Variants in TEAD4 observed in about 807,000 individuals in gnomAD.
TEAD4 encodes transcriptional enhancer factor TEF-3.
A neutral mutation model predicts 52.4 loss-of-function variants in TEAD4; 36 were observed. That is an observed-to-expected ratio of 0.69 (90% CI 0.53 to 0.91). The LOEUF (loss-of-function observed/expected upper bound fraction) is 0.91. TEAD4 is among the 40% of genes least tolerant of loss of function. TEAD4 has a pLI of 0.00. For synonymous variants in TEAD4, 220 were observed against 231.0 expected, an observed-to-expected ratio of 0.95 and a Z score of 0.43; for missense variants, 508 against 583.9, an observed-to-expected ratio of 0.87 and a Z score of 1.34.
chr12:2,968,382 G>T (rs1458694884), intron 2 of TEAD4, among the ~76,000 whole-genome samples: 4 of 120,736 alleles, frequency 3.3e-5, no homozygotes, highest in Non-Finnish European at 4.8e-5. Context: ...CACCGCGCCC[G>T]GCCTTTTTTT....
In TEAD4 at chr12:3,020,770, C is replaced by A. The variant is rs2098268139; in HGVS notation, c.720C>A (p.Asp240Glu). ...TCCTGGAGCAGCAGCAGGACCCGGA[C>A]ACGGTAGGTCCTGGCCTCTGCCTGT... The change falls in exon 9 of 13, where the codon GAC becomes GAA. Residue 240 changes from aspartate (D) to glutamate (E), a missense_variant. Transcript: ENST00000359864. The A allele has an allele frequency of 1.9e-6, 3 of 1,603,580 alleles. No homozygotes were observed. Among genetic ancestry groups the A allele is most frequent in the Non-Finnish European group, 1.7e-6 (2 of 1,174,862 alleles).
chr12:3,040,216 A>C lies in TEAD4; in HGVS notation c.1148A>C (p.Lys383Thr), dbSNP rs1486462821. 6.2e-7 allele frequency: 1 copy of C among 1,614,226 alleles called. No individual in the cohort carries two copies. Among genetic ancestry groups the C allele is most frequent in the Admixed American group, 1.7e-5 (1 of 60,034 alleles). Residue 383 changes from lysine to threonine, a missense_variant, in exon 12 of 13, where the codon AAG becomes ACG. By Grantham distance (78) the Lys-to-Thr change is moderately conservative. Transcript: ENST00000359864. The stretch of plus-strand genomic sequence containing the variant: ...CACAAGCTCAAGCACCTCCCTGAGA[A>C]GTACATGATGAACAGCGTGCTGGAG...
At chr12:2,985,790 A>G (rs2098237909) in intron 2 of TEAD4, among the ~76,000 whole-genome samples, 1 of 152,094 alleles carries the variant, frequency 6.6e-6, no homozygotes, top group African/African-American at 2.4e-5. Flanking sequence ...TGTCGTTAAA[A>G]ACAGAGACAT....
At chr12:2,968,598 A>G (rs2098222514) in intron 2 of TEAD4, among the ~76,000 whole-genome samples, 1 of 149,480 alleles carries the variant, frequency 6.7e-6, no homozygotes, top group African/African-American at 2.5e-5. Context: ...TTTAATTTTT[A>G]TTTTTCATAG....
intron 10 of TEAD4, among the ~76,000 whole-genome samples, chr12:3,033,598 AC>A (rs1330340583): frequency 4.6e-5 from 7 of 152,090 alleles, no homozygotes; most frequent in African/African-American, 1.7e-4. Flanking sequence ...CCAGGCACAT[AC>A]CAGCACATGA....
chr12:3,005,935 G>T (rs914686568), intron 3 of TEAD4, among the ~76,000 whole-genome samples: 6 of 152,210 alleles, frequency 3.9e-5, no homozygotes, highest in Non-Finnish European at 8.8e-5. Flanking sequence ...ATGACGCCCA[G>T]TCAAGGAGGA....
chr12:3,016,766 G>A (rs1326686030), intron 5 of TEAD4, among the ~76,000 whole-genome samples: 1 of 152,182 alleles, frequency 6.6e-6, no homozygotes, highest in African/African-American at 2.4e-5. Context: ...TGTTACCCGT[G>A]CCATCCAAGT....
At chr12:2,982,665 T>C (rs1007341516) in intron 2 of TEAD4, among the ~76,000 whole-genome samples, 3 of 152,226 alleles carry the variant, frequency 2.0e-5, no homozygotes, top group Non-Finnish European at 4.4e-5. Flanking sequence ...CAGTGACGGC[T>C]GTGAACCTGG....
chr12:2,962,920 C>T (rs1046969697), intron 2 of TEAD4, among the ~76,000 whole-genome samples: 2 of 152,170 alleles, frequency 1.3e-5, no homozygotes, highest in Admixed American at 1.3e-4. Context: ...AGTGCTTGTA[C>T]ACCCCCTACT....
At chr12:2,996,752 G>C (rs1246298851) in intron 3 of TEAD4, among the ~76,000 whole-genome samples, 1 of 152,064 alleles carries the variant, frequency 6.6e-6, no homozygotes, top group African/African-American at 2.4e-5. Context: ...GTCTTGCTCT[G>C]TCGCCCAGGC....
At chr12:2,976,256 C>T (rs2153953211) in intron 2 of TEAD4, among the ~76,000 whole-genome samples, 1 of 152,186 alleles carries the variant, frequency 6.6e-6, no homozygotes, top group Non-Finnish European at 1.5e-5. Flanking sequence ...AGATGATCTG[C>T]CCACCTCGGC....
intron 2 of TEAD4, among the ~76,000 whole-genome samples, chr12:2,972,381 C>T (rs2098225874): frequency 6.6e-6 from 1 of 151,842 alleles, no homozygotes. Context: ...CATACCCGGC[C>T]AAGTGGGTTT....
chr12:2,991,110 G>C (rs971925411), intron 2 of TEAD4, among the ~76,000 whole-genome samples: 2 of 152,116 alleles, frequency 1.3e-5, no homozygotes, highest in African/African-American at 4.8e-5. Context: ...GAGGCAGGAG[G>C]ATCTCTTGAA....
At chr12:2,983,059 T>C (rs1377724356) in intron 2 of TEAD4, among the ~76,000 whole-genome samples, 1 of 152,114 alleles carries the variant, frequency 6.6e-6, no homozygotes, top group African/African-American at 2.4e-5. Context: ...CATCCTGGCC[T>C]CCACCGCACC....
chr12:3,008,746 CAT>C (rs2098257854), intron 3 of TEAD4, among the ~76,000 whole-genome samples: 1 of 152,146 alleles, frequency 6.6e-6, no homozygotes, highest in African/African-American at 2.4e-5. Context: ...TGAATGGAGG[CAT>C]AGTCTCTTCC....
At chr12:3,001,424 G>A (rs1426325837) in intron 3 of TEAD4, among the ~76,000 whole-genome samples, 1 of 152,120 alleles carries the variant, frequency 6.6e-6, no homozygotes, top group African/African-American at 2.4e-5. Context: ...TATAGCCGCT[G>A]GTAGCCTGTT....
rs75532941 is a variant in TEAD4, at chr12:3,010,924, G to A, written c.227-80G>A. The A allele has an allele frequency of 0.011, 16,061 of 1,521,076 alleles. 1,105 individuals are homozygous for A. The African/African-American group carries it at 0.16, about 15-fold the overall frequency. The allele number at this position is 1,521,076 out of a possible 1,614,324, so 94.2% of individuals were successfully genotyped here. On this transcript the variant is annotated intron_variant, in intron 3 of 12. Coordinates refer to ENST00000359864, the MANE Select transcript of TEAD4 (RefSeq NM_003213.4). The stretch of plus-strand genomic sequence containing the variant: ...CAGAGAGTGAGGGCAGGGCTCCTCC[G>A]CAGAAGGTACCCCGCACCCCCTCAC...
intron 10 of TEAD4, among the ~76,000 whole-genome samples, chr12:3,028,577 C>T (rs2098273476): frequency 6.6e-6 from 1 of 152,036 alleles, no homozygotes; most frequent in Non-Finnish European, 1.5e-5. Flanking sequence ...TTTTCATGTG[C>T]TTACTGGCCA....
At chr12:2,976,183 T>G (rs6489410) in intron 2 of TEAD4, among the ~76,000 whole-genome samples, 127,172 of 151,784 alleles carry the variant, frequency 0.84, 54,074 homozygotes, top group Middle Eastern at 0.91. Context: ...TTTTTATATT[T>G]TTAGTAGACA....
Sources: gnomAD v4.1 joint callset for allele counts (sites outside exome capture counted in the v4.1 genomes callset) on GRCh38, gnomAD v4.1.1 for gene constraint, MANE v1.5 for transcripts, NCBI Gene and HGNC (gene_info 2026-07-23, HGNC 2026-07-21) for gene names.